Variants in ST3GAL3 observed in about 807,000 individuals in gnomAD.
ST3GAL3 encodes ST3 beta-galactoside alpha-2,3-sialyltransferase 3, also known as CMP-N-acetylneuraminate-beta-1,4-galactoside alpha-2,3-sialyltransferase.
A neutral mutation model predicts 50.1 loss-of-function variants in ST3GAL3; 21 were observed. The observed-to-expected ratio is 0.42, with a 90% CI of 0.30 to 0.60. The LOEUF is 0.60. Among genes scored for constraint, ST3GAL3 ranks in the 20% least tolerant of loss-of-function variants. ST3GAL3 has a pLI of 0.19. For missense variants in ST3GAL3, 353 were observed against 489.4 expected, an observed-to-expected ratio of 0.72 and a Z score of 2.63; for synonymous variants, 183 against 190.0, an observed-to-expected ratio of 0.96 and a Z score of 0.30.
intron 2 of ST3GAL3, among the ~76,000 whole-genome samples, chr1:43,781,217 T>G (rs917301637): frequency 5.9e-5 from 9 of 152,188 alleles, no homozygotes; most frequent in African/African-American, 2.2e-4. Flanking sequence ...TGGGGAGATT[T>G]GAATGGGAGT....
In ST3GAL3 at chr1:43,899,121, C is replaced by T; in HGVS notation, c.462-47C>T. 6.2e-7 allele frequency: 1 copy of T among 1,613,232 alleles called. No individual in the cohort carries two copies. Among genetic ancestry groups the T allele is most frequent in the South Asian group, 1.1e-5 (1 of 91,032 alleles). ...GGGCCAAAGGAGCAGGGAAAGAGAC[C>T]TGGTGGGCAGCTCTCTGTACAGAGG... is the stretch of plus-strand genomic sequence containing the variant. On this transcript the variant is annotated intron_variant, in intron 7 of 11. Coordinates refer to ENST00000347631, the MANE Select transcript of ST3GAL3 (RefSeq NM_006279.5). The surrounding 1 kb of genome is among the most constrained non-coding windows in gnomAD (Gnocchi z 5.4).
At chr1:43,918,469 T>G (rs2082459886) in intron 9 of ST3GAL3, among the ~76,000 whole-genome samples, 1 of 152,164 alleles carries the variant, frequency 6.6e-6, no homozygotes, top group Non-Finnish European at 1.5e-5. Flanking sequence ...GTATATGGTG[T>G]GAGGAGAGAA....
At chr1:43,875,950 CTTATTATTATTATTA>C (rs200892055) in intron 5 of ST3GAL3, among the ~76,000 whole-genome samples, 277 of 74,024 alleles carry the variant, frequency 3.7e-3, no homozygotes, top group Non-Finnish European at 5.1e-3. Flanking sequence ...TCTTCTTCTT[CTTATTATTATTATTA>C]TTATTATTAT....
At chr1:43,811,336 C>T (rs1363546243) in intron 3 of ST3GAL3, among the ~76,000 whole-genome samples, 1 of 152,200 alleles carries the variant, frequency 6.6e-6, no homozygotes, top group Non-Finnish European at 1.5e-5. Flanking sequence ...GCAGTAGAGA[C>T]CTAGAGTGTT....
At chr1:43,724,907 T>G (rs1672199005) in intron 1 of ST3GAL3, among the ~76,000 whole-genome samples, 1 of 152,156 alleles carries the variant, frequency 6.6e-6, no homozygotes, top group South Asian at 2.1e-4. Flanking sequence ...TTTACCACAG[T>G]GACAGGTGGG....
intron 3 of ST3GAL3, among the ~76,000 whole-genome samples, chr1:43,810,770 A>G (rs937736271): frequency 9.2e-5 from 14 of 152,006 alleles, no homozygotes; most frequent in Admixed American, 6.5e-5. Flanking sequence ...GGCGAATGCA[A>G]TCCCTTGCCA....
At chr1:43,742,913 C>T (rs968824706) in intron 2 of ST3GAL3, among the ~76,000 whole-genome samples, 6 of 152,058 alleles carry the variant, frequency 3.9e-5, no homozygotes, top group Admixed American at 3.9e-4. Flanking sequence ...TCCTGGCCAA[C>T]ATGGTGAAAC....
intron 6 of ST3GAL3, 152 bp downstream of exon 6, chr1:43,894,629 T>TTTTG (rs906215999): frequency 1.2e-5 from 9 of 757,840 alleles, no homozygotes; most frequent in East Asian, 2.6e-5. Context: ...CCCTTCCTTT[T>TTTTG]TTTGTTTGTT....
At chr1:43,779,346 T>C (rs994179823) in intron 2 of ST3GAL3, among the ~76,000 whole-genome samples, 3 of 152,224 alleles carry the variant, frequency 2.0e-5, no homozygotes, top group African/African-American at 4.8e-5. Flanking sequence ...CCTATCCTTA[T>C]AGGCTGTGTA....
rs111315827 is a variant in ST3GAL3 at position 43,917,832 on chromosome 1, C to A, written c.745-2572C>A. 1.1e-4 allele frequency among the ~76,000 whole-genome samples: 16 copies of A among 148,364 alleles called. 3 individuals are homozygous for A. Among genetic ancestry groups the A allele is most frequent in the African/African-American group, 3.2e-4 (13 of 40,138 alleles). ...TACAGGTGTATACCACCACACCTGG[C>A]TAATTTTTGTATTTTTTGGTAGAAA... On this transcript the variant is annotated intron_variant, in intron 9 of 11. Coordinates refer to ENST00000347631, the MANE Select transcript of ST3GAL3 (RefSeq NM_006279.5).
At chr1:43,846,115 G>A (rs149938163) in intron 5 of ST3GAL3, among the ~76,000 whole-genome samples, 1 of 152,102 alleles carries the variant, frequency 6.6e-6, no homozygotes, top group African/African-American at 2.4e-5. Context: ...TCTGTTTTAG[G>A]GTATTCTATA....
In ST3GAL3 at chr1:43,894,485, G is replaced by A. The variant is rs1201358045; in HGVS notation, c.397+8G>A. 6.2e-7 allele frequency: 1 copy of A among 1,613,130 alleles called. No individual in the cohort carries two copies. Among genetic ancestry groups the A allele is most frequent in the Non-Finnish European group, 8.5e-7 (1 of 1,179,186 alleles). On this transcript the variant is annotated splice_region_variant and intron_variant, in intron 6 of 11. Transcript: ENST00000347631. ...TTGGGATCAAAGGTCAAGGTATGTT[G>A]GGAACCCTGACCTACATTAACATCT...
intron 2 of ST3GAL3, among the ~76,000 whole-genome samples, chr1:43,764,776 C>A (rs1691935536): frequency 6.6e-6 from 1 of 152,238 alleles, no homozygotes; most frequent in African/African-American, 2.4e-5. Context: ...GGCCGTGGGC[C>A]AGGCAGCGCT....
chr1:43,916,070 GATC>G (rs2081744977), intron 9 of ST3GAL3, among the ~76,000 whole-genome samples: 1 of 152,230 alleles, frequency 6.6e-6, no homozygotes, highest in Non-Finnish European at 1.5e-5. Flanking sequence ...AGTGAGCTGA[GATC>G]ATGCCACTGG....
At position 43,827,561 on chromosome 1, in the gene ST3GAL3, G is replaced by A. The variant is rs570260526; in HGVS notation, c.210-10658G>A. Among the ~76,000 whole-genome samples, 38 of 152,180 alleles carry A rather than the reference G, an allele frequency of 2.5e-4. No homozygotes were observed. In the East Asian group the frequency reaches 2.5e-3, roughly 10 times the overall value. ...AGGGTTGCCCAGGCTGGAGTGTAGC[G>A]GTGCAACCACGGCTCACTGCTGTCT... On this transcript the variant is annotated intron_variant, in intron 4 of 11. Coordinates refer to ENST00000347631, the MANE Select transcript of ST3GAL3 (RefSeq NM_006279.5).
chr1:43,800,594 GGGT>G (rs879897344), intron 3 of ST3GAL3, among the ~76,000 whole-genome samples: 6 of 152,204 alleles, frequency 3.9e-5, no homozygotes, highest in Non-Finnish European at 5.9e-5. Context: ...AATCAGCCCT[GGGT>G]TGGTTCCACG....
At chr1:43,765,812 C>T (rs766531170) in intron 2 of ST3GAL3, among the ~76,000 whole-genome samples, 3 of 145,056 alleles carry the variant, frequency 2.1e-5, no homozygotes, top group African/African-American at 8.5e-5. Flanking sequence ...TCCGCGCGTC[C>T]GCGTGCGCTT....
intron 2 of ST3GAL3, among the ~76,000 whole-genome samples, chr1:43,779,665 A>T (rs1371812385): frequency 6.6e-6 from 1 of 152,218 alleles, no homozygotes; most frequent in Non-Finnish European, 1.5e-5. Flanking sequence ...TACCACAGCC[A>T]TGCAATCTAT....
intron 6 of ST3GAL3, among the ~76,000 whole-genome samples, chr1:43,897,650 CAG>C (rs950694307): frequency 2.0e-5 from 3 of 151,994 alleles, no homozygotes; most frequent in Non-Finnish European, 4.4e-5. Context: ...GAGCCAGGCT[CAG>C]GGAGTAAAGA....
Sources: allele counts gnomAD v4.1 joint callset (sites outside exome capture counted in the v4.1 genomes callset), GRCh38; gene constraint gnomAD v4.1.1; non-coding constraint Gnocchi (gnomAD v3.1); transcripts MANE v1.5; gene names NCBI Gene and HGNC (gene_info 2026-07-23, HGNC 2026-07-21).